The following ABHD12 variants were observed in gnomAD, a reference collection of about 807,000 sequenced individuals.
ABHD12 encodes the protein abhydrolase domain containing 12, lysophospholipase.
ABHD12 carries 43 observed loss-of-function variants against 58.3 expected under a neutral mutation model. That is an observed-to-expected ratio of 0.74 (90% confidence interval 0.58 to 0.95). The LOEUF (loss-of-function observed/expected upper bound fraction) is 0.95, where lower values mean the gene tolerates loss of function less well. Among genes scored for constraint, ABHD12 ranks in the 40% least tolerant of loss-of-function variants. ABHD12 has a pLI of 0.00. For synonymous variants in ABHD12, 219 were observed against 211.2 expected (o/e 1.04, Z -0.32); for missense variants, 539 against 537.2 (o/e 1.00, Z -0.03).
intron 1 of ABHD12, among the ~76,000 whole-genome samples, chr20:25,378,717 T>TA (rs1491201665): frequency 1.5e-5 from 2 of 131,660 alleles, no homozygotes; most frequent in East Asian, 2.0e-4. Flanking sequence ...TTTTTTTTTT[T>TA]ACCATGAAGC....
At chr20:25,315,504 T>C (rs1166772361) in intron 5 of ABHD12, among the ~76,000 whole-genome samples, 1 of 152,082 alleles carries the variant, frequency 6.6e-6, no homozygotes, top group Non-Finnish European at 1.5e-5. Context: ...CACCCACCCC[T>C]GTGCCCTTGC....
At chr20:25,308,558 T>C in intron 7 of ABHD12, 64 bp from the exon 8 acceptor site, 2 of 1,332,798 alleles carry the variant, frequency 1.5e-6, no homozygotes, top group South Asian at 1.2e-5. Context: ...ATATGGGCCT[T>C]ATGCTGGAAA....
intron 1 of ABHD12, among the ~76,000 whole-genome samples, chr20:25,353,346 G>A (rs1401999227): frequency 6.6e-6 from 1 of 151,508 alleles, no homozygotes; most frequent in African/African-American, 2.4e-5. Flanking sequence ...ATCTGTAAAT[G>A]AAAGTAAATA....
chr20:25,315,870 T>A (rs900244441), intron 5 of ABHD12, among the ~76,000 whole-genome samples: 1 of 152,226 alleles, frequency 6.6e-6, no homozygotes, highest in Non-Finnish European at 1.5e-5. Flanking sequence ...TGTTCCCTTC[T>A]GCCCTGTGGG....
intron 1 of ABHD12, among the ~76,000 whole-genome samples, chr20:25,387,590 TAA>T (rs57449867): frequency 1.8e-5 from 2 of 113,038 alleles, no homozygotes; most frequent in East Asian, 2.7e-4. Context: ...TCATCTCTAT[TAA>T]AAAAAAAAAA....
intron 1 of ABHD12, among the ~76,000 whole-genome samples, chr20:25,350,959 TCACACACACACACACACACACA>T (rs61061019): frequency 0.011 from 1,553 of 142,314 alleles, 69 homozygotes; most frequent in Admixed American, 0.079. Flanking sequence ...TACGAATCCT[TCACACACACACACACACACACA>T]CACACACACA....
chr20:25,381,265 T>A, intron 1 of ABHD12, among the ~76,000 whole-genome samples: 1 of 152,140 alleles, frequency 6.6e-6, no homozygotes, highest in Non-Finnish European at 1.5e-5. Context: ...CTGCGGCTAT[T>A]CCCTCACTGG....
intron 1 of ABHD12, among the ~76,000 whole-genome samples, chr20:25,383,331 A>C (rs148787387): frequency 6.6e-6 from 1 of 152,208 alleles, no homozygotes; most frequent in African/African-American, 2.4e-5. Context: ...TGATCTGGCT[A>C]TGAAACCTCC....
At chr20:25,321,717 AACCAAGAAGAGGGCTG>A (rs2145974493) in intron 3 of ABHD12, among the ~76,000 whole-genome samples, 1 of 152,368 alleles carries the variant, frequency 6.6e-6, no homozygotes, top group Admixed American at 6.5e-5. Context: ...GACTCATGTT[AACCAAGAAGAGGGCTG>A]ACCAAGTCCC....
chr20:25,375,664 T>C (rs113285845), intron 1 of ABHD12, among the ~76,000 whole-genome samples: 1 of 152,154 alleles, frequency 6.6e-6, no homozygotes, highest in Non-Finnish European at 1.5e-5. Context: ...TCACTTCCTT[T>C]GTCTGTCACT....
chr20:25,382,298 T>C lies in ABHD12; in HGVS notation c.191+8215A>G, dbSNP rs1015381399. On this transcript the variant is annotated intron_variant, in intron 1 of 12. Coordinates refer to ENST00000339157, the MANE Select transcript of ABHD12 (RefSeq NM_001042472.3). Reference sequence around the variant, plus strand: ...TTCCGGCATCCTGGCTCTTGGCCCCTGTTCACTGACTGACACTCTAGACGC... The same window carrying C: ...TTCCGGCATCCTGGCTCTTGGCCCCCGTTCACTGACTGACACTCTAGACGC... 3.3e-5 allele frequency among the ~76,000 whole-genome samples: 5 copies of C among 151,834 alleles called. No individual in the cohort carries two copies. In the East Asian group the frequency reaches 9.8e-4, roughly 30 times the overall value.
chr20:25,389,497 A>G (rs867967526), intron 1 of ABHD12, among the ~76,000 whole-genome samples: 1 of 152,192 alleles, frequency 6.6e-6, no homozygotes, highest in South Asian at 2.1e-4. Flanking sequence ...TGAGATCATC[A>G]TATAGTAACT....
In ABHD12 at chr20:25,303,641, G is replaced by C. The variant is rs374015664; in HGVS notation, c.951-13C>G. ...GATGTGCTTCACGCTGTAGGAGGGA[G>C]AAGGGGCTAGACCAAGACCAGGGAA... On this transcript the variant is annotated splice_polypyrimidine_tract_variant and intron_variant, in intron 10 of 12. Transcript: ENST00000339157. 5.0e-6 allele frequency: 8 copies of C among 1,613,258 alleles called. No individual in the cohort carries two copies. The highest frequency in any genetic ancestry group is 1.6e-4 in the Middle Eastern group (1 of 6,084).
At chr20:25,323,612 A>G (rs1272643784) in intron 2 of ABHD12, among the ~76,000 whole-genome samples, 182 bp from the exon 3 acceptor site, 1 of 152,220 alleles carries the variant, frequency 6.6e-6, no homozygotes, top group Non-Finnish European at 1.5e-5. Flanking sequence ...TTCCTGTGCA[A>G]TCTTACAATG....
At position 25,350,994 on chromosome 20, in the gene ABHD12, CACACACACACACACA is replaced by C. The variant is rs2089592534; in HGVS notation, c.192-11658_192-11644del. On this transcript the variant is annotated intron_variant, in intron 1 of 12. Transcript: ENST00000339157. ...ACACACACACACACACACACACACA[CACACACACACACACA>C]CCCTTATTAAGCTGGTATATAAACC... is the stretch of plus-strand genomic sequence containing the variant. Among the ~76,000 whole-genome samples, 16 of 145,798 alleles carry C rather than the reference CACACACACACACACA, an allele frequency of 1.1e-4. 1 individual carries two copies. The highest frequency in any genetic ancestry group is 1.6e-4 in the African/African-American group (6 of 37,702).
intron 1 of ABHD12, among the ~76,000 whole-genome samples, chr20:25,357,750 C>T (rs2089687574): frequency 6.6e-6 from 1 of 152,158 alleles, no homozygotes; most frequent in Non-Finnish European, 1.5e-5. Context: ...GTGGCTCACA[C>T]CTGTAATCCC....
At chr20:25,345,286 C>T (rs1326926792) in intron 1 of ABHD12, among the ~76,000 whole-genome samples, 2 of 152,060 alleles carry the variant, frequency 1.3e-5, no homozygotes, top group African/African-American at 4.8e-5. Flanking sequence ...GGGGTTTCAC[C>T]GTGTTAGCTA....
At chr20:25,341,797 G>A (rs1275912957) in intron 1 of ABHD12, among the ~76,000 whole-genome samples, 3 of 152,048 alleles carry the variant, frequency 2.0e-5, no homozygotes, top group African/African-American at 7.2e-5. Flanking sequence ...AAAGACTCAG[G>A]ACGTTATCCT....
intron 2 of ABHD12, among the ~76,000 whole-genome samples, chr20:25,323,926 G>A (rs2089128522): frequency 6.6e-6 from 1 of 152,238 alleles, no homozygotes; most frequent in Non-Finnish European, 1.5e-5. Context: ...ACGGAACGTT[G>A]GGTGGCAAAC....
Sources: allele counts gnomAD v4.1 joint callset (sites outside exome capture counted in the v4.1 genomes callset), GRCh38; gene constraint gnomAD v4.1.1; transcripts MANE v1.5; gene names NCBI Gene and HGNC (gene_info 2026-07-23, HGNC 2026-07-21).